DAAM1: variants seen among roughly 807,000 people sequenced by gnomAD.
The protein encoded by DAAM1 is disheveled-associated activator of morphogenesis 1.
A neutral mutation model predicts 130.0 loss-of-function variants in DAAM1; 52 were observed. The observed-to-expected ratio is 0.40, with a 90% CI of 0.32 to 0.50. DAAM1 has a LOEUF of 0.50. DAAM1 is among the 20% of genes least tolerant of loss of function. The pLI, the probability that DAAM1 is intolerant of heterozygous loss-of-function variation, is 0.61. For synonymous variants in DAAM1, 452 were observed against 444.5 expected, an observed-to-expected ratio of 1.02 and a Z score of -0.21; for missense variants, 1,134 against 1,303.8, an observed-to-expected ratio of 0.87 and a Z score of 2.01.
chr14:59,250,344 T>C (rs547487574), intron 1 of DAAM1, among the ~76,000 whole-genome samples: 9 of 152,250 alleles, frequency 5.9e-5, no homozygotes, highest in Non-Finnish European at 1.3e-4. Flanking sequence ...TAACATTACA[T>C]TGAAGTTTTT....
intron 20 of DAAM1, 53 bp downstream of exon 20, chr14:59,355,386 T>G: frequency 6.2e-7 from 1 of 1,603,250 alleles, no homozygotes; most frequent in Admixed American, 1.7e-5. Flanking sequence ...AGGTCCAGGC[T>G]CAGATTTATG....
chr14:59,233,482 G>T (rs1360382313), intron 1 of DAAM1, among the ~76,000 whole-genome samples: 1 of 151,946 alleles, frequency 6.6e-6, no homozygotes, highest in African/African-American at 2.4e-5. Flanking sequence ...TTTTTGATGG[G>T]GTCGTTTGTG....
chr14:59,323,364 C>G (rs1280860427), intron 6 of DAAM1, 139 bp downstream of exon 6: 2 of 923,650 alleles, frequency 2.2e-6, no homozygotes, highest in East Asian at 2.7e-5. Context: ...TTAAACATTC[C>G]CTTCTTCTTA....
At chr14:59,319,834 G>A (rs185772656) in intron 4 of DAAM1, among the ~76,000 whole-genome samples, 1 of 152,126 alleles carries the variant, frequency 6.6e-6, no homozygotes, top group Non-Finnish European at 1.5e-5. Flanking sequence ...TACCAAACCA[G>A]GCTCCATAGT....
intron 17 of DAAM1, among the ~76,000 whole-genome samples, chr14:59,352,225 C>T (rs1886317235): frequency 6.6e-6 from 1 of 152,134 alleles, no homozygotes. Flanking sequence ...AGCATTGACT[C>T]CCTAAGGTCC....
chr14:59,245,529 C>A (rs1218453110), intron 1 of DAAM1, among the ~76,000 whole-genome samples: 1 of 151,930 alleles, frequency 6.6e-6, no homozygotes, highest in Admixed American at 6.6e-5. Context: ...TATAATATTC[C>A]TAGGGCCACC....
rs1887133340 is a variant in DAAM1, at chr14:59,370,693, T to C, written c.*1834T>C. 6.6e-6 allele frequency: 1 copy of C among 152,096 alleles called. No individual in the cohort carries two copies. The highest frequency in any genetic ancestry group is 2.1e-4 in the South Asian group (1 of 4,830). The allele number at this position is 152,096 out of a possible 1,614,324, so 9.4% of individuals were successfully genotyped here. A position where few individuals can be genotyped will look rare whatever the true frequency, so the allele number is the denominator to read the frequency against. ...CAAAGCAGAGGTTGCACTCCCCCAA[T>C]CCCGAGTTAACCCAGGTCTGCAATA... On this transcript the variant is annotated 3_prime_UTR_variant, in exon 25 of 25. Coordinates refer to ENST00000360909, the MANE Select transcript of DAAM1 (RefSeq NM_001270520.2).
rs1257601377 is a variant in DAAM1, at chr14:59,263,539, A to G, written c.62A>G (p.Asn21Ser). 1.9e-6 allele frequency: 3 copies of G among 1,614,234 alleles called. No homozygotes were observed. The highest frequency in any genetic ancestry group is 2.5e-6 in the Non-Finnish European group (3 of 1,180,032). The change falls in exon 2 of 25, where the codon AAT becomes AGT. Residue 21 changes from asparagine to serine, a missense_variant. Asn to Ser is a conservative substitution (Grantham distance 46). Around this residue, in one of 3 missense-constraint regions of DAAM1, gnomAD observed 99 missense variants for 86.4 expected, o/e 1.15. Transcript: ENST00000360909. ...TTCATCTTTTGCTGTTTCCGAAATA[A>G]TGATCACCCAGAAATCACGTATCGG... The part of the protein sequence containing the change: ...ISFIFCCFRN[N>S]DHPEITYRLR...
chr14:59,348,913 C>T (rs1474888766), intron 17 of DAAM1, among the ~76,000 whole-genome samples: 1 of 152,158 alleles, frequency 6.6e-6, no homozygotes, highest in Non-Finnish European at 1.5e-5. Context: ...CATGGAGAAA[C>T]TCTTCATGCT....
intron 15 of DAAM1, chr14:59,338,410 A>G: frequency 1.2e-6 from 2 of 1,613,720 alleles, no homozygotes; most frequent in Non-Finnish European, 1.7e-6. Flanking sequence ...AGTAACTCCA[A>G]GCAGGTAAGT....
intron 3 of DAAM1, among the ~76,000 whole-genome samples, chr14:59,306,700 A>G (rs1283151091): frequency 6.7e-6 from 1 of 149,836 alleles, no homozygotes; most frequent in Non-Finnish European, 1.5e-5. Context: ...TTTTTTTTTT[A>G]ATCAATAATG....
chr14:59,251,639 G>A (rs1393225990), intron 1 of DAAM1, among the ~76,000 whole-genome samples: 2 of 152,052 alleles, frequency 1.3e-5, no homozygotes, highest in African/African-American at 2.4e-5. Context: ...AAGATGTGTA[G>A]CAATACCTCC....
chr14:59,347,713 A>G (rs1464952993), intron 17 of DAAM1, 90 bp downstream of exon 17: 9 of 1,247,820 alleles, frequency 7.2e-6, no homozygotes, highest in Middle Eastern at 1.9e-4. Flanking sequence ...TTGCTAGTGG[A>G]TCATTTCCTC....
At chr14:59,250,331 A>C (rs929552729) in intron 1 of DAAM1, among the ~76,000 whole-genome samples, 1 of 152,230 alleles carries the variant, frequency 6.6e-6, no homozygotes, top group Non-Finnish European at 1.5e-5. Flanking sequence ...TGAAGTTTGC[A>C]TCTAACATTA....
At chr14:59,364,898 C>T (rs1255246448) in intron 23 of DAAM1, among the ~76,000 whole-genome samples, 1 of 149,996 alleles carries the variant, frequency 6.7e-6, no homozygotes, top group Non-Finnish European at 1.5e-5. Context: ...TGTCAGCAAC[C>T]ACCATTCAGA....
intron 5 of DAAM1, among the ~76,000 whole-genome samples, chr14:59,321,249 CCCAGAATAGG>C (rs1274393399): frequency 6.6e-6 from 1 of 152,112 alleles, no homozygotes; most frequent in Non-Finnish European, 1.5e-5. Context: ...ATAAGAAATT[CCCAGAATAGG>C]CCAATCCATA....
chr14:59,276,113 C>T lies in DAAM1; in HGVS notation c.183+12453C>T, dbSNP rs182722218. On this transcript the variant is annotated intron_variant, in intron 2 of 24. Coordinates refer to ENST00000360909, the MANE Select transcript of DAAM1 (RefSeq NM_001270520.2). ...CTTACCTAGCTTTCAGATTTCTAAC[C>T]ACCATCATACTAAAATATTATTCTC... is the stretch of plus-strand genomic sequence containing the variant. 2.0e-5 allele frequency among the ~76,000 whole-genome samples: 3 copies of T among 152,274 alleles called. 1 individual carries two copies. The South Asian group carries it at 6.2e-4, about 32-fold the overall frequency.
intron 3 of DAAM1, among the ~76,000 whole-genome samples, chr14:59,301,237 C>T (rs1884160084): frequency 6.6e-6 from 1 of 151,902 alleles, no homozygotes; most frequent in South Asian, 2.1e-4. Flanking sequence ...ATAAAGTGCT[C>T]ATTAAAAACA....
At chr14:59,258,197 G>A (rs1475778869) in intron 1 of DAAM1, among the ~76,000 whole-genome samples, 1 of 152,204 alleles carries the variant, frequency 6.6e-6, no homozygotes, top group African/African-American at 2.4e-5. Context: ...TTGACTTAAT[G>A]ATGAAATGGA....
Sources: gnomAD v4.1 joint callset for allele counts (sites outside exome capture counted in the v4.1 genomes callset) on GRCh38, gnomAD v4.1.1 for gene constraint, gnomAD v4.1.1 regional missense constraint, MANE v1.5 for transcripts, NCBI Gene and HGNC (gene_info 2026-07-23, HGNC 2026-07-21) for gene names.